The following MRPL37 variants were observed in gnomAD, a reference collection of about 807,000 sequenced individuals.
MRPL37 encodes the protein large ribosomal subunit protein mL37.
Under a neutral mutation model 44.1 loss-of-function variants are expected in MRPL37, and 34 were observed. The ratio of observed to expected loss-of-function variants is 0.77; its 90% CI spans 0.59 to 1.03. The LOEUF (loss-of-function observed/expected upper bound fraction) is 1.03, where lower values mean the gene tolerates loss of function less well. MRPL37 is among the 50% of genes least tolerant of loss of function. MRPL37 has a pLI of 0.00. For missense variants in MRPL37, 532 were observed against 543.7 expected (o/e 0.98, Z 0.21); for synonymous variants, 212 against 219.5 (o/e 0.97, Z 0.30).
chr1:54,209,191 C>T (rs766504502), intron 3 of MRPL37, among the ~76,000 whole-genome samples: 6 of 152,172 alleles, frequency 3.9e-5, no homozygotes, highest in South Asian at 2.1e-4. Flanking sequence ...TCTCTGGTTC[C>T]CCAGGTTACA....
chr1:54,219,353 GTCCAGCCTGTGTCTCTGCC>G (rs1644218821), downstream of MRPL37, among the ~76,000 whole-genome samples: 1 of 152,232 alleles, frequency 6.6e-6, no homozygotes, highest in African/African-American at 2.4e-5. Context: ...GCAAAGTGGC[GTCCAGCCTGTGTCTCTGCC>G]TCCCAGGCTT....
At chr1:54,210,615 G>A (rs1038860242) in intron 4 of MRPL37, among the ~76,000 whole-genome samples, 2 of 152,154 alleles carry the variant, frequency 1.3e-5, no homozygotes, top group Non-Finnish European at 2.9e-5. Flanking sequence ...GGACCACCAT[G>A]TACTCCGTCA....
intron 3 of MRPL37, among the ~76,000 whole-genome samples, chr1:54,206,821 G>A (rs555074376): frequency 4.0e-5 from 6 of 150,800 alleles, no homozygotes; most frequent in African/African-American, 1.5e-4. Flanking sequence ...TGCAACCTCC[G>A]CATCCTGGGT....
At position 54,212,652 on chromosome 1, in the gene MRPL37, C is replaced by T; in HGVS notation, c.984C>T (p.Leu328=). Residue 328 remains leucine, a synonymous_variant, in exon 5 of 7, where the codon CTC becomes CTT. Coordinates refer to ENST00000360840, the MANE Select transcript of MRPL37 (RefSeq NM_016491.4). ...FGSALAQARL[L]YGNDAKVLEQ... ...GTGCCCTGGCTCAGGCCCGGCTCCT[C>T]TATGGGGTATGTAGGTGGAGAAGAC... 2 of 1,614,198 alleles carry T rather than the reference C, an allele frequency of 1.2e-6. No homozygotes were observed. The highest frequency in any genetic ancestry group is 1.7e-6 in the Non-Finnish European group (2 of 1,180,032).
Position 54,200,563 on chromosome 1 carries a change from T to C in MRPL37, c.320T>C (p.Phe107Ser), listed in dbSNP as rs746663853. 10 of 1,601,220 alleles carry C rather than the reference T, an allele frequency of 6.2e-6. No individual in the cohort carries two copies. Among genetic ancestry groups the C allele is most frequent in the Non-Finnish European group, 8.5e-6 (10 of 1,169,948 alleles). Residue 107 changes from phenylalanine (F) to serine (S), a missense_variant, in exon 1 of 7, where the codon TTT becomes TCT. Transcript: ENST00000360840. ...PLYKDQACYIFHHRCRLLEGV... is the reference protein window; with the variant it reads ...PLYKDQACYISHHRCRLLEGV... ...TACAAAGACCAGGCCTGCTATATCT[T>C]TCACCACCGTTGCCGCCTTCTCGAG...
downstream of MRPL37, chr1:54,225,352 T>C: frequency 3.2e-6 from 4 of 1,234,132 alleles, no homozygotes; most frequent in Non-Finnish European, 4.0e-6. Context: ...GAACAAAAAC[T>C]GTGCCCAAGA....
At chr1:54,222,513 C>T (rs185043757), downstream of MRPL37, among the ~76,000 whole-genome samples, 3 of 152,230 alleles carry the variant, frequency 2.0e-5, no homozygotes, top group Non-Finnish European at 4.4e-5. Context: ...GCGTGGCCAC[C>T]TGGGTTCCCC....
intron 4 of MRPL37, 35 bp downstream of exon 4, chr1:54,210,166 G>A (rs1449976469): frequency 3.1e-6 from 5 of 1,588,554 alleles, no homozygotes; most frequent in South Asian, 1.1e-5. Flanking sequence ...TAGGCAGTGT[G>A]GAGGAGAAGG....
At chr1:54,214,383 T>G (rs1189442559) in intron 5 of MRPL37, among the ~76,000 whole-genome samples, 1 of 152,206 alleles carries the variant, frequency 6.6e-6, no homozygotes, top group Admixed American at 6.5e-5. Context: ...TGTCAGATCT[T>G]TATGTGACCT....
chr1:54,223,290 A>G (rs940007724), downstream of MRPL37, among the ~76,000 whole-genome samples: 11 of 152,166 alleles, frequency 7.2e-5, no homozygotes, highest in African/African-American at 2.7e-4. Context: ...GGGGAGCCCC[A>G]TGGCCTGAAC....
intron 3 of MRPL37, among the ~76,000 whole-genome samples, chr1:54,209,552 C>T (rs1351769087): frequency 6.6e-6 from 1 of 151,870 alleles, no homozygotes; most frequent in Non-Finnish European, 1.5e-5. Flanking sequence ...CTCCGCCTCC[C>T]AGGTTCATGC....
intron 3 of MRPL37, among the ~76,000 whole-genome samples, chr1:54,205,940 T>C (rs779652143): frequency 1.3e-5 from 2 of 152,148 alleles, no homozygotes; most frequent in African/African-American, 4.8e-5. Flanking sequence ...CCACTTAGTC[T>C]TTCTAGTCTT....
At chr1:54,204,778 C>T (rs1644108836) in intron 1 of MRPL37, among the ~76,000 whole-genome samples, 2 of 152,208 alleles carry the variant, frequency 1.3e-5, no homozygotes, top group African/African-American at 2.4e-5. Context: ...GGCAGGCGCT[C>T]ACCACCTCAG....
At chr1:54,209,310 C>G (rs10888839) in intron 3 of MRPL37, among the ~76,000 whole-genome samples, 134,151 of 152,154 alleles carry the variant, frequency 0.88, 59,349 homozygotes, top group Non-Finnish European at 0.92. Flanking sequence ...TTGGTTCATC[C>G]CCTCTTAGGG....
rs918083736 is a variant in MRPL37 at position 54,218,165 on chromosome 1, T to C, written c.1195-7T>C. 10 of 1,613,338 alleles carry C rather than the reference T, an allele frequency of 6.2e-6. No individual in the cohort carries two copies. The highest frequency in any genetic ancestry group is 8.5e-6 in the Non-Finnish European group (10 of 1,179,240). Reference sequence around the variant, plus strand: ...AGCAGGATCCTAATGAACCGTGTTCTTTCCAGGAACCTGTTGGCCCAGTTG... The same window carrying C: ...AGCAGGATCCTAATGAACCGTGTTCCTTCCAGGAACCTGTTGGCCCAGTTG... On this transcript the variant is annotated splice_region_variant and splice_polypyrimidine_tract_variant and intron_variant, in intron 6 of 6. Coordinates refer to ENST00000360840, the MANE Select transcript of MRPL37 (RefSeq NM_016491.4).
downstream of MRPL37, among the ~76,000 whole-genome samples, chr1:54,222,370 T>G (rs1420882338): frequency 6.6e-6 from 1 of 152,002 alleles, no homozygotes; most frequent in Non-Finnish European, 1.5e-5. Context: ...GGGGCAGACA[T>G]CCACAGAGTA....
chr1:54,202,231 G>T (rs1644089978), intron 1 of MRPL37, among the ~76,000 whole-genome samples: 1 of 151,858 alleles, frequency 6.6e-6, no homozygotes, highest in Non-Finnish European at 1.5e-5. Context: ...CAAAATCTGG[G>T]ACTCAAGTGA....
intron 3 of MRPL37, among the ~76,000 whole-genome samples, chr1:54,207,154 TC>T (rs1644129853): frequency 6.6e-6 from 1 of 152,196 alleles, no homozygotes; most frequent in Non-Finnish European, 1.5e-5. Flanking sequence ...TCCTCTGTGT[TC>T]TTTATGCCCA....
At chr1:54,218,441 G>A, downstream of MRPL37, 1 of 1,406,342 alleles carries the variant, frequency 7.1e-7, no homozygotes, top group South Asian at 1.5e-5. Flanking sequence ...TCCAAGCCCT[G>A]GAGCCTGACC....
Sources: allele counts gnomAD v4.1 joint callset (sites outside exome capture counted in the v4.1 genomes callset), GRCh38; gene constraint gnomAD v4.1.1; transcripts MANE v1.5; gene names NCBI Gene and HGNC (gene_info 2026-07-23, HGNC 2026-07-21).